The following BTBD7 variants were observed in gnomAD, a reference collection of about 807,000 sequenced individuals.
BTBD7 encodes the protein BTB domain containing 7.
Under a neutral mutation model 99.9 loss-of-function variants are expected in BTBD7, and 38 were observed. The observed-to-expected ratio is 0.38, with a 90% CI of 0.29 to 0.50. The LOEUF (loss-of-function observed/expected upper bound fraction) is 0.50. Among genes scored for constraint, BTBD7 ranks in the 20% least tolerant of loss-of-function variants. The pLI is 0.93. For missense variants in BTBD7, 1,170 were observed against 1,394.6 expected (o/e 0.84, Z 2.57); for synonymous variants, 520 against 511.4 (o/e 1.02, Z -0.23).
intron 1 of BTBD7, among the ~76,000 whole-genome samples, chr14:93,320,980 C>T (rs2053262835): frequency 6.6e-6 from 1 of 152,082 alleles, no homozygotes; most frequent in Non-Finnish European, 1.5e-5. Context: ...AAGAGGCCTA[C>T]AAAGCACTAG....
Position 93,277,130 on chromosome 14 carries a change from G to A in BTBD7, c.1163-13137C>T, listed in dbSNP as rs182261775. ...TTGGCCAGGCTGGTCCTGAAATCCC[G>A]ACCTCAGGTGATCCGCCCACCTTGG... On this transcript the variant is annotated intron_variant, in intron 3 of 10. Transcript: ENST00000334746. 4.6e-3 allele frequency among the ~76,000 whole-genome samples: 694 copies of A among 152,160 alleles called. 6 individuals are homozygous for A. The highest frequency in any genetic ancestry group is 7.9e-3 in the Non-Finnish European group (536 of 68,004).
At chr14:93,253,999 G>A (rs576060297) in intron 6 of BTBD7, among the ~76,000 whole-genome samples, 2 of 150,928 alleles carry the variant, frequency 1.3e-5, no homozygotes, top group Admixed American at 6.6e-5. Context: ...GTGCAGTGGC[G>A]TGATCTTGGC....
chr14:93,263,468 G>A (rs1448872525), intron 4 of BTBD7, among the ~76,000 whole-genome samples: 1 of 152,218 alleles, frequency 6.6e-6, no homozygotes, highest in African/African-American at 2.4e-5. Flanking sequence ...AACCACTATA[G>A]AGAAGCTACA....
At chr14:93,266,257 G>A (rs899199890) in intron 3 of BTBD7, among the ~76,000 whole-genome samples, 1 of 151,960 alleles carries the variant, frequency 6.6e-6, no homozygotes, top group Non-Finnish European at 1.5e-5. Context: ...GCATTGAGCC[G>A]TAATCAAAGG....
In BTBD7 at chr14:93,251,545, T is replaced by C. The variant is rs760525378; in HGVS notation, c.1860A>G (p.Pro620=). 7.9e-5 allele frequency: 127 copies of C among 1,613,948 alleles called. No homozygotes were observed. Among genetic ancestry groups the C allele is most frequent in the Non-Finnish European group, 1.0e-4 (120 of 1,179,938 alleles). Residue 620 remains proline (P), a synonymous_variant, in exon 8 of 11, where the codon CCA becomes CCG. Transcript: ENST00000334746. ...GGTGGCTGATCATGTGACAACACTG[T>C]GGCACGGCATTATTGACCATGTAGA... ...DTLYMVNNAV[P]QCCHMISHQQ...
intron 2 of BTBD7, 95 bp downstream of exon 2, chr14:93,295,875 T>C: frequency 8.9e-7 from 1 of 1,123,754 alleles, no homozygotes; most frequent in Non-Finnish European, 1.3e-6. Flanking sequence ...TTATAATAAC[T>C]ACAGCTCACT....
At chr14:93,267,171 TG>T (rs1191406218) in intron 3 of BTBD7, among the ~76,000 whole-genome samples, 2 of 152,186 alleles carry the variant, frequency 1.3e-5, no homozygotes, top group African/African-American at 2.4e-5. Context: ...ACCAGGATAC[TG>T]GCAGAGGTGA....
At position 93,291,726 on chromosome 14, in the gene BTBD7, T is replaced by C. The variant is rs78239112; in HGVS notation, c.1162+2132A>G. The stretch of plus-strand genomic sequence containing the variant: ...TGTTTTAAGTAACCAGATTAGACAA[T>C]GCAAAAAGTATTATTTTATATCTTT... On this transcript the variant is annotated intron_variant, in intron 3 of 10. Coordinates refer to ENST00000334746, the MANE Select transcript of BTBD7 (RefSeq NM_001002860.4). Among the ~76,000 whole-genome samples the C allele has an allele frequency of 1.9e-4, 28 of 149,158 alleles. 2 individuals carry two copies. The East Asian group carries it at 5.5e-3, about 29-fold the overall frequency.
chr14:93,296,864 C>T (rs1161967065), intron 1 of BTBD7, among the ~76,000 whole-genome samples: 1 of 152,064 alleles, frequency 6.6e-6, no homozygotes, highest in Non-Finnish European at 1.5e-5. Context: ...AGGCCAGTAG[C>T]AATAAAAGGT....
intron 3 of BTBD7, among the ~76,000 whole-genome samples, chr14:93,290,987 GTTTTTTTTTT>G (rs34246296): frequency 6.5e-5 from 5 of 76,760 alleles, no homozygotes; most frequent in Admixed American, 1.6e-4. Flanking sequence ...GCTAGGCCTA[GTTTTTTTTTT>G]TTTTTTTTTT....
intron 1 of BTBD7, among the ~76,000 whole-genome samples, chr14:93,304,093 T>C (rs2053039573): frequency 6.6e-6 from 1 of 152,188 alleles, no homozygotes; most frequent in Non-Finnish European, 1.5e-5. Flanking sequence ...GAAAAATTAT[T>C]ATGAGGCCCT....
intron 3 of BTBD7, among the ~76,000 whole-genome samples, chr14:93,275,881 T>C (rs1357385390): frequency 6.6e-6 from 1 of 152,198 alleles, no homozygotes; most frequent in Non-Finnish European, 1.5e-5. Context: ...ACATGACCAT[T>C]TATCCACATA....
At chr14:93,251,354 T>C (rs2052365324) in intron 8 of BTBD7, 109 bp downstream of exon 8, 2 of 1,172,080 alleles carry the variant, frequency 1.7e-6, no homozygotes, top group African/African-American at 1.6e-5. Flanking sequence ...GCATAAAAAG[T>C]ATTGAAATGT....
Position 93,294,096 on chromosome 14 carries a change from C to T in BTBD7, c.924G>A (p.Arg308=), listed in dbSNP as rs1458894362. Residue 308 remains arginine (R), a synonymous_variant, in exon 3 of 11, where the codon AGG becomes AGA. Transcript: ENST00000334746. The part of the protein sequence containing the change: ...TGEEITDRTL[R]TPTRIILDES... ...CATCTAATATAATTCTTGTGGGAGT[C>T]CTCAAAGTTCGGTCTGTGATTTCTT... 1 of 1,613,900 alleles carries T rather than the reference C, an allele frequency of 6.2e-7. No homozygotes were observed. The highest frequency in any genetic ancestry group is 2.2e-5 in the East Asian group (1 of 44,890).
chr14:93,322,707 C>T (rs1432520219), intron 1 of BTBD7, among the ~76,000 whole-genome samples: 1 of 152,210 alleles, frequency 6.6e-6, no homozygotes, highest in African/African-American at 2.4e-5. Flanking sequence ...AACAACCAGA[C>T]ATCAAAACAA....
intron 3 of BTBD7, among the ~76,000 whole-genome samples, chr14:93,289,079 G>A (rs57538363): frequency 0.11 from 16,926 of 152,044 alleles, 1,120 homozygotes; most frequent in African/African-American, 0.18. Flanking sequence ...AATTGAGGGG[G>A]CGGGGACAAG....
rs374751398 is a variant in BTBD7, at chr14:93,303,188, CTTA to C, written c.-106-7034_-106-7032del. Reference sequence around the variant, plus strand: ...ATAAAAAGATCTTGATGCAGAAAGACTTATTAGAGGATTCTTCCAACAGTCCAG... The same window carrying C: ...ATAAAAAGATCTTGATGCAGAAAGACTTAGAGGATTCTTCCAACAGTCCAG... On this transcript the variant is annotated intron_variant, in intron 1 of 10. Transcript: ENST00000334746. Among the ~76,000 whole-genome samples the C allele has an allele frequency of 7.2e-4, 109 of 152,262 alleles. 2 individuals are homozygous for C. In the East Asian group the frequency reaches 0.015, roughly 21 times the overall value.
chr14:93,252,518 G>A lies in BTBD7; in HGVS notation c.1753-866C>T, dbSNP rs532850758. On this transcript the variant is annotated intron_variant, in intron 7 of 10. Transcript: ENST00000334746. Reference sequence around the variant, plus strand: ...ACTACAACAGCACACCACCACGCCTGGCTAGTTTTTTTTTTTTTTAATTTA... The same window carrying A: ...ACTACAACAGCACACCACCACGCCTAGCTAGTTTTTTTTTTTTTTAATTTA... Among the ~76,000 whole-genome samples, 10 of 147,688 alleles carry A rather than the reference G, an allele frequency of 6.8e-5. No homozygotes were observed. In the East Asian group the frequency reaches 2.1e-3, roughly 31 times the overall value.
intron 3 of BTBD7, among the ~76,000 whole-genome samples, chr14:93,278,842 C>A (rs954456148): frequency 2.0e-5 from 3 of 152,132 alleles, no homozygotes; most frequent in Non-Finnish European, 2.9e-5. Flanking sequence ...GGCATGTAAT[C>A]CCAGCACTTA....
Sources: gnomAD v4.1 joint callset for allele counts (sites outside exome capture counted in the v4.1 genomes callset) on GRCh38, gnomAD v4.1.1 for gene constraint, MANE v1.5 for transcripts, NCBI Gene and HGNC (gene_info 2026-07-23, HGNC 2026-07-21) for gene names.